TTC7B: variants seen among roughly 807,000 people sequenced by gnomAD.
TTC7B encodes tetratricopeptide repeat protein 7B.
TTC7B carries 28 observed loss-of-function variants against 106.8 expected under a neutral mutation model. The observed-to-expected ratio is 0.26, with a 90% CI of 0.19 to 0.36. The LOEUF (loss-of-function observed/expected upper bound fraction) is 0.36. Ranked by LOEUF, TTC7B falls within the 10% of genes least tolerant of loss-of-function variation. The probability of loss-of-function intolerance (pLI) is 1.00; values close to 1 mark genes in which losing one functional copy is unlikely to be tolerated. For synonymous variants in TTC7B, 405 were observed against 430.6 expected, an observed-to-expected ratio of 0.94 and a Z score of 0.74; for missense variants, 862 against 1,076.4, an observed-to-expected ratio of 0.80 and a Z score of 2.79.
intron 13 of TTC7B, among the ~76,000 whole-genome samples, chr14:90,649,875 G>C (rs994675063): frequency 6.6e-6 from 1 of 152,174 alleles, no homozygotes; most frequent in African/African-American, 2.4e-5. Flanking sequence ...GCATGGAGAT[G>C]AATCATGCTA....
At chr14:90,594,352 G>A (rs1452984244) in intron 17 of TTC7B, among the ~76,000 whole-genome samples, 1 of 152,038 alleles carries the variant, frequency 6.6e-6, no homozygotes, top group Non-Finnish European at 1.5e-5. Context: ...GGTCAACCAA[G>A]CATGTTCACT....
intron 6 of TTC7B, among the ~76,000 whole-genome samples, chr14:90,691,875 T>C (rs970358619): frequency 5.7e-4 from 87 of 152,268 alleles, no homozygotes; most frequent in African/African-American, 2.0e-3. Context: ...CCACTTCCCC[T>C]CCCTCTCAGA....
chr14:90,810,327 G>T (rs1047916418), intron 1 of TTC7B, among the ~76,000 whole-genome samples: 6 of 152,180 alleles, frequency 3.9e-5, no homozygotes, highest in African/African-American at 1.4e-4. Flanking sequence ...TTCCGAAAAA[G>T]GGTTTTGGAT....
chr14:90,566,275 C>T lies in TTC7B; in HGVS notation c.2310+11831G>A, dbSNP rs933886809. Reference sequence around the variant, plus strand: ...AGGAGAATCGCTTGAACCTGGGAGGCGGAGGTTGCAGTGAGCCAAGATCGC... The same window carrying T: ...AGGAGAATCGCTTGAACCTGGGAGGTGGAGGTTGCAGTGAGCCAAGATCGC... On this transcript the variant is annotated intron_variant, in intron 19 of 19. Coordinates refer to ENST00000328459, the MANE Select transcript of TTC7B (RefSeq NM_001010854.2). 1.2e-4 allele frequency among the ~76,000 whole-genome samples: 18 copies of T among 151,378 alleles called. 1 individual carries two copies. Among genetic ancestry groups the T allele is most frequent in the Admixed American group, 7.9e-4 (12 of 15,212 alleles).
intron 17 of TTC7B, among the ~76,000 whole-genome samples, chr14:90,597,543 AG>A (rs575698308): frequency 1.2e-3 from 182 of 152,260 alleles, no homozygotes; most frequent in African/African-American, 4.2e-3. Context: ...CTGTAATCCC[AG>A]CTACTCAGGA....
intron 3 of TTC7B, among the ~76,000 whole-genome samples, chr14:90,754,923 T>A (rs560407972): frequency 6.6e-6 from 1 of 152,370 alleles, no homozygotes; most frequent in South Asian, 2.1e-4. Context: ...ATCCTTTTTT[T>A]TCAATTGAGG....
rs754299512 is a variant in TTC7B at position 90,644,277 on chromosome 14, A to ACG, written c.1591-70_1591-69insCG. ...CACACGCACACACACACACACACACACACGCGCGAAAGAAGCCATCTTTTC... is the reference window on the plus strand; with the variant it reads ...CACACGCACACACACACACACACACACGCACGCGCGAAAGAAGCCATCTTTTC... On this transcript the variant is annotated intron_variant, in intron 14 of 19. Coordinates refer to ENST00000328459, the MANE Select transcript of TTC7B (RefSeq NM_001010854.2). 495 of 1,181,608 alleles carry ACG rather than the reference A, an allele frequency of 4.2e-4. 1 individual carries two copies. In the African/African-American group the frequency reaches 8.5e-3, roughly 20 times the overall value. The allele number at this position is 1,181,608 out of a possible 1,614,324, so 73.2% of individuals were successfully genotyped here. A position where few individuals can be genotyped will look rare whatever the true frequency, so the allele number is the denominator to read the frequency against.
rs749434441 is a variant in TTC7B, at chr14:90,578,211, C to T, written c.2205G>A (p.Met735Ile). ...CCCGGAGCTCAGCAATCTGGCCGCG[C>T]ATGTAGAGGACATTGTGGGACATTG... ...LFPMSHNVLY[M>I]RGQIAELRGS... The change falls in exon 19 of 20, where the codon ATG becomes ATA. Residue 735 changes from methionine to isoleucine, a missense_variant. Transcript: ENST00000328459. The surrounding 1 kb of genome is among the most constrained non-coding windows in gnomAD (Gnocchi z 4.7). 18 of 1,614,216 alleles carry T rather than the reference C, an allele frequency of 1.1e-5. No homozygotes were observed. The highest frequency in any genetic ancestry group is 1.4e-5 in the Non-Finnish European group (16 of 1,180,040).
chr14:90,761,634 G>C (rs1890506131), intron 3 of TTC7B, among the ~76,000 whole-genome samples: 1 of 152,206 alleles, frequency 6.6e-6, no homozygotes, highest in Non-Finnish European at 1.5e-5. Context: ...CAGTGAGTTG[G>C]TTTTGTCTGT....
Position 90,575,188 on chromosome 14 carries a change from G to A in TTC7B, c.2310+2918C>T, listed in dbSNP as rs565946372. On this transcript the variant is annotated intron_variant, in intron 19 of 19. Transcript: ENST00000328459. This position sits in a 1 kb window ranked among gnomAD's most constrained non-coding sequence, Gnocchi z 5.2. The stretch of plus-strand genomic sequence containing the variant: ...GCTTGCAAACCAATCCACCTTCCGT[G>A]AGGGTAGAGACAGAACCTTTTGTGA... 3.9e-4 allele frequency among the ~76,000 whole-genome samples: 60 copies of A among 152,332 alleles called. No homozygotes were observed. Among genetic ancestry groups the A allele is most frequent in the Admixed American group, 3.5e-3 (53 of 15,306 alleles).
chr14:90,666,610 G>C (rs1482628698), intron 9 of TTC7B, among the ~76,000 whole-genome samples: 1 of 152,164 alleles, frequency 6.6e-6, no homozygotes, highest in African/African-American at 2.4e-5. Flanking sequence ...CCCAAGTTTG[G>C]AGAAAACATA....
intron 8 of TTC7B, 97 bp from the exon 9 acceptor site, chr14:90,676,757 A>C: frequency 3.7e-6 from 5 of 1,355,976 alleles, no homozygotes; most frequent in Non-Finnish European, 5.1e-6. Context: ...CAATTTGCGA[A>C]GGGAATGGAG....
At chr14:90,541,892 C>T (rs1889607681) in intron 19 of TTC7B, among the ~76,000 whole-genome samples, 1 of 152,226 alleles carries the variant, frequency 6.6e-6, no homozygotes, top group South Asian at 2.1e-4. Context: ...CCGCAGTCTG[C>T]ACTGACCCAG....
chr14:90,607,231 G>A lies in TTC7B; in HGVS notation c.1966+3511C>T, dbSNP rs142448069. Among the ~76,000 whole-genome samples, 941 of 152,270 alleles carry A rather than the reference G, an allele frequency of 6.2e-3. 5 individuals carry two copies. Among genetic ancestry groups the A allele is most frequent in the Middle Eastern group, 0.01 (3 of 294 alleles). On this transcript the variant is annotated intron_variant, in intron 17 of 19. Coordinates refer to ENST00000328459, the MANE Select transcript of TTC7B (RefSeq NM_001010854.2). ...ACAAAACAGATCCAAGAGGACTTGC[G>A]GCCTCACAAAGGAATCTGCCTGCAC... is the stretch of plus-strand genomic sequence containing the variant.
At chr14:90,555,046 AC>A (rs553888033) in intron 19 of TTC7B, among the ~76,000 whole-genome samples, 2 of 152,306 alleles carry the variant, frequency 1.3e-5, no homozygotes, top group South Asian at 4.1e-4. Flanking sequence ...TGGTTCAGTT[AC>A]CAAGCCAGGT....
chr14:90,551,422 A>G lies in TTC7B; in HGVS notation c.2311-9833T>C, dbSNP rs1157206196. ...AGAGTGGGTTCCCTGACCTGAGGAAAATGAGGACCCCACAAGAGCTCCAGC... is the reference window on the plus strand; with the variant it reads ...AGAGTGGGTTCCCTGACCTGAGGAAGATGAGGACCCCACAAGAGCTCCAGC... On this transcript the variant is annotated intron_variant, in intron 19 of 19. Coordinates refer to ENST00000328459, the MANE Select transcript of TTC7B (RefSeq NM_001010854.2). Among the ~76,000 whole-genome samples, 3 of 152,060 alleles carry G rather than the reference A, an allele frequency of 2.0e-5. No homozygotes were observed. The South Asian group carries it at 6.2e-4, about 32-fold the overall frequency.
At chr14:90,605,703 G>A (rs904900097) in intron 17 of TTC7B, 3 of 1,288,418 alleles carry the variant, frequency 2.3e-6, no homozygotes, top group Non-Finnish European at 3.0e-6. Context: ...ACACAAACAG[G>A]TGGAGAGGAG....
chr14:90,646,633 A>T (rs1885467119), intron 14 of TTC7B: 1 of 277,062 alleles, frequency 3.6e-6, no homozygotes, highest in East Asian at 6.6e-5. Context: ...CAAGGGACAG[A>T]GGCTCTTTGA....
chr14:90,785,145 C>T (rs1375687154), intron 2 of TTC7B, among the ~76,000 whole-genome samples: 1 of 152,070 alleles, frequency 6.6e-6, no homozygotes, highest in East Asian at 1.9e-4. Context: ...TGCAGAGAGG[C>T]GAGTAACCTC....
Sources: allele counts gnomAD v4.1 joint callset (sites outside exome capture counted in the v4.1 genomes callset), GRCh38; gene constraint gnomAD v4.1.1; non-coding constraint Gnocchi (gnomAD v3.1); transcripts MANE v1.5; gene names NCBI Gene and HGNC (gene_info 2026-07-23, HGNC 2026-07-21).